PARP4: variants seen among roughly 807,000 people sequenced by gnomAD.
PARP4 encodes the protein poly(ADP-ribose) polymerase family member 4.
In PARP4, 120 loss-of-function variants were observed where a neutral mutation model predicts 187.7. The ratio of observed to expected loss-of-function variants is 0.64; its 90% CI spans 0.55 to 0.74. The LOEUF (loss-of-function observed/expected upper bound fraction) is 0.74, where lower values mean the gene tolerates loss of function less well. PARP4 is among the 30% of genes least tolerant of loss of function. The probability of loss-of-function intolerance (pLI) is 0.00; values close to 1 mark genes in which losing one functional copy is unlikely to be tolerated. For synonymous variants in PARP4, 654 were observed against 740.9 expected (o/e 0.88, Z 1.90); for missense variants, 1,836 against 2,070.5 (o/e 0.89, Z 2.20).
At chr13:24,432,160 G>A (rs1215995609) in intron 31 of PARP4, among the ~76,000 whole-genome samples, 2 of 151,866 alleles carry the variant, frequency 1.3e-5, no homozygotes, top group Admixed American at 6.6e-5. Context: ...TAATCAGGTC[G>A]GGGTGTTTAG....
At chr13:24,496,994 G>A (rs191298530) in intron 6 of PARP4, among the ~76,000 whole-genome samples, 1 of 152,210 alleles carries the variant, frequency 6.6e-6, no homozygotes, top group East Asian at 1.9e-4. Context: ...CTGCACTCCA[G>A]CATGGGCAAC....
chr13:24,480,185 A>G (rs752757546), intron 12 of PARP4, among the ~76,000 whole-genome samples: 2 of 152,218 alleles, frequency 1.3e-5, no homozygotes, highest in South Asian at 2.1e-4. Context: ...TTCTGGATGC[A>G]TTACTATTGC....
chr13:24,490,609 A>G, intron 10 of PARP4, 59 bp downstream of exon 10: 4 of 1,316,876 alleles, frequency 3.0e-6, no homozygotes, highest in Non-Finnish European at 4.3e-6. Flanking sequence ...TAGCTCTTTA[A>G]CGGAGTCTCA....
rs1870504799 is a variant in PARP4 at position 24,434,510 on chromosome 13, G to A, written c.4631C>T (p.Thr1544Ile). ...AAAGCACAGGATACTGTCATCTTTTGTATCACATTTTATTTGTAAAAAGCA... is the reference window on the plus strand; with the variant it reads ...AAAGCACAGGATACTGTCATCTTTTATATCACATTTTATTTGTAAAAAGCA... Reference protein sequence around the residue: ...DSCFLQIKCDTKDDSILCFLE... With the variant: ...DSCFLQIKCDIKDDSILCFLE... Residue 1544 changes from threonine (T) to isoleucine (I), a missense_variant, in exon 31 of 34, where the codon ACA becomes ATA. Coordinates refer to ENST00000381989, the MANE Select transcript of PARP4 (RefSeq NM_006437.4). 6.2e-7 allele frequency: 1 copy of A among 1,613,858 alleles called. No individual in the cohort carries two copies. Among genetic ancestry groups the A allele is most frequent in the Non-Finnish European group, 8.5e-7 (1 of 1,179,782 alleles).
chr13:24,459,034 A>G lies in PARP4; in HGVS notation c.2424+10T>C. The G allele has an allele frequency of 6.4e-7, 1 of 1,562,526 alleles. No individual in the cohort carries two copies. Among genetic ancestry groups the G allele is most frequent in the South Asian group, 1.1e-5 (1 of 89,488 alleles). ...AATAACAGCTCTTAAGAAATCAAAGATGCACTAACCTTTTGTTTCAGTTCA... is the reference window on the plus strand; with the variant it reads ...AATAACAGCTCTTAAGAAATCAAAGGTGCACTAACCTTTTGTTTCAGTTCA... On this transcript the variant is annotated intron_variant, in intron 20 of 33. Coordinates refer to ENST00000381989, the MANE Select transcript of PARP4 (RefSeq NM_006437.4).
In PARP4 at chr13:24,468,875, G is replaced by A. The variant is rs571062486; in HGVS notation, c.2133+149C>T. 8.1e-5 allele frequency: 48 copies of A among 591,928 alleles called. 1 individual carries two copies. In the South Asian group the frequency reaches 9.9e-4, roughly 12 times the overall value. 36.7% of individuals were successfully genotyped at this position (591,928 alleles called of 1,614,324 possible). On this transcript the variant is annotated intron_variant, in intron 17 of 33. Transcript: ENST00000381989. ...GTTAAGTCAAATGGGTCTGACTGGC[G>A]TGGCTTCCCCTTACTCAGACCAAGT...
At chr13:24,505,653 C>G (rs1461475467) in intron 1 of PARP4, among the ~76,000 whole-genome samples, 1 of 152,178 alleles carries the variant, frequency 6.6e-6, no homozygotes, top group Admixed American at 6.5e-5. Context: ...CTCAGCCTCC[C>G]GAGTAGCTGG....
chr13:24,507,743 G>T (rs76956693), intron 1 of PARP4, among the ~76,000 whole-genome samples: 2,216 of 152,302 alleles, frequency 0.015, 61 homozygotes, highest in African/African-American at 0.05. Flanking sequence ...AATACAAATT[G>T]CTTATCATGG....
rs763679308 is a variant in PARP4, at chr13:24,459,964, G to T, written c.2298+8C>A. On this transcript the variant is annotated splice_region_variant and intron_variant, in intron 18 of 33. Coordinates refer to ENST00000381989, the MANE Select transcript of PARP4 (RefSeq NM_006437.4). ...CAAAATGCTTCTTCAAATCTTATGC[G>T]TACAAACCTGAAGGTTTTCATTCAA... The T allele has an allele frequency of 6.2e-7, 1 of 1,612,514 alleles. No homozygotes were observed. The highest frequency in any genetic ancestry group is 1.1e-5 in the South Asian group (1 of 90,752).
chr13:24,440,768 A>G (rs1870887206), intron 30 of PARP4, among the ~76,000 whole-genome samples: 1 of 152,156 alleles, frequency 6.6e-6, no homozygotes, highest in East Asian at 1.9e-4. Flanking sequence ...TCAATCATCT[A>G]CCTTTTGTGA....
intron 30 of PARP4, 145 bp from the exon 31 acceptor site, chr13:24,435,619 T>C: frequency 1.1e-6 from 1 of 882,498 alleles, no homozygotes; most frequent in Non-Finnish European, 1.7e-6. Context: ...AGCTGGGATG[T>C]TGAAAATAAC....
At chr13:24,475,718 A>T in intron 14 of PARP4, 122 bp from the exon 15 acceptor site, 1 of 970,266 alleles carries the variant, frequency 1.0e-6, no homozygotes, top group Non-Finnish European at 1.6e-6. Context: ...GGCAAATAGC[A>T]TTTTATGATT....
chr13:24,434,516 C>T lies in PARP4; in HGVS notation c.4625G>A (p.Cys1542Tyr), dbSNP rs1870505432. The T allele has an allele frequency of 6.2e-6, 10 of 1,613,898 alleles. No homozygotes were observed. The South Asian group carries it at 8.8e-5, about 14-fold the overall frequency. ...LQDSCFLQIK[C>Y]DTKDDSILCF... ...CAGGATACTGTCATCTTTTGTATCA[C>T]ATTTTATTTGTAAAAAGCAGCTGTC... The change falls in exon 31 of 34, where the codon TGT (cysteine) becomes TAT (tyrosine). Residue 1542 changes from cysteine to tyrosine, a missense_variant. Cys to Tyr is a radical substitution (Grantham distance 194, BLOSUM62 -2). Transcript: ENST00000381989.
At chr13:24,474,333 AT>A (rs1016576330) in intron 15 of PARP4, among the ~76,000 whole-genome samples, 16 of 134,784 alleles carry the variant, frequency 1.2e-4, no homozygotes, top group Non-Finnish European at 1.8e-4. Context: ...CCTCTATGTG[AT>A]GTGACGTTGG....
chr13:24,494,315 C>A (rs1168797775), intron 7 of PARP4, among the ~76,000 whole-genome samples: 1 of 152,180 alleles, frequency 6.6e-6, no homozygotes, highest in Non-Finnish European at 1.5e-5. Context: ...CCTGCCTCAG[C>A]CTCATGAGTA....
At position 24,452,501 on chromosome 13, in the gene PARP4, G is replaced by A. The variant is rs1871577235; in HGVS notation, c.2919C>T (p.Leu973=). 1 of 1,614,122 alleles carries A rather than the reference G, an allele frequency of 6.2e-7. No individual in the cohort carries two copies. The highest frequency in any genetic ancestry group is 2.2e-5 in the East Asian group (1 of 44,878). ...LYPARGSRNI[L]LVSDGHLQDE... is the part of the protein sequence containing the mutation. ...CCTGGAGGTGCCCATCAGACACCAG[G>A]AGGATGTTCCGTGACCCTCGAGCAG... The change falls in exon 24 of 34, where the codon CTC becomes CTT. Residue 973 remains leucine, a synonymous_variant. Coordinates refer to ENST00000381989, the MANE Select transcript of PARP4 (RefSeq NM_006437.4).
chr13:24,479,131 T>C (rs1037735014), intron 12 of PARP4, among the ~76,000 whole-genome samples: 7 of 152,310 alleles, frequency 4.6e-5, no homozygotes, highest in Admixed American at 3.3e-4. Flanking sequence ...AAGGCAACTC[T>C]TGCTATTAGG....
chr13:24,506,658 T>C (rs1450433043), intron 1 of PARP4, among the ~76,000 whole-genome samples: 1 of 152,166 alleles, frequency 6.6e-6, no homozygotes, highest in Non-Finnish European at 1.5e-5. Context: ...TTACAAACCT[T>C]GAGCTAGACA....
intron 17 of PARP4, among the ~76,000 whole-genome samples, chr13:24,468,822 TG>T (rs920902301): frequency 2.6e-5 from 4 of 152,236 alleles, no homozygotes; most frequent in African/African-American, 7.2e-5. Context: ...CTTGTTTGTC[TG>T]GAACTACTGA....
Sources: allele counts gnomAD v4.1 joint callset (sites outside exome capture counted in the v4.1 genomes callset), GRCh38; gene constraint gnomAD v4.1.1; transcripts MANE v1.5; gene names NCBI Gene and HGNC (gene_info 2026-07-23, HGNC 2026-07-21).